The following MDGA2 variants were observed in gnomAD, a reference collection of about 807,000 sequenced individuals.
MDGA2 encodes MAM domain containing glycosylphosphatidylinositol anchor 2, also known as MAM domain-containing glycosylphosphatidylinositol anchor protein 2.
In MDGA2, 40 loss-of-function variants were observed where a neutral mutation model predicts 117.8. That is an observed-to-expected ratio of 0.34 (90% CI 0.26 to 0.44). MDGA2 has a LOEUF of 0.44. MDGA2 is among the 20% of genes least tolerant of loss of function. The probability of loss-of-function intolerance (pLI) is 1.00; values close to 1 mark genes in which losing one functional copy is unlikely to be tolerated. For missense variants in MDGA2, 1,123 were observed against 1,250.6 expected (o/e 0.90, Z 1.54); for synonymous variants, 452 against 439.0 (o/e 1.03, Z -0.37).
chr14:47,519,647 T>C (rs1319003496), intron 1 of MDGA2, among the ~76,000 whole-genome samples: 1 of 152,214 alleles, frequency 6.6e-6, no homozygotes, highest in Non-Finnish European at 1.5e-5. Context: ...AAAAATTTTA[T>C]CCCTCTTTAC....
chr14:46,993,200 C>G (rs1887158809), intron 8 of MDGA2, among the ~76,000 whole-genome samples: 1 of 152,012 alleles, frequency 6.6e-6, no homozygotes, highest in African/African-American at 2.4e-5. Context: ...AATAAAATAG[C>G]ATTGTTTATT....
chr14:47,308,235 A>C (rs1889519837), intron 1 of MDGA2, among the ~76,000 whole-genome samples: 1 of 152,118 alleles, frequency 6.6e-6, no homozygotes, highest in Admixed American at 6.6e-5. Flanking sequence ...GCAAATAGTA[A>C]AACCGCTATT....
intron 6 of MDGA2, among the ~76,000 whole-genome samples, chr14:47,095,991 G>A (rs544618889): frequency 1.7e-4 from 26 of 152,052 alleles, no homozygotes; most frequent in African/African-American, 5.3e-4. Flanking sequence ...GGTGAAGTGA[G>A]ATATGAAGAA....
chr14:47,402,330 A>ACCC (rs1386594654), intron 1 of MDGA2, among the ~76,000 whole-genome samples: 13 of 17,168 alleles, frequency 7.6e-4, no homozygotes, highest in Non-Finnish European at 1.3e-3. Flanking sequence ...AACCCCAGAA[A>ACCC]CCCCCGCCCC....
At position 47,453,159 on chromosome 14, in the gene MDGA2, T is replaced by C. The variant is rs541039792; in HGVS notation, c.281-151609A>G. ...CATGCTCTATTAATATATACATTTA[T>C]AGAAATGGAAGAAATGTCAAAAGAG... On this transcript the variant is annotated intron_variant, in intron 1 of 16. Coordinates refer to ENST00000399232, the MANE Select transcript of MDGA2 (RefSeq NM_001113498.3). Among the ~76,000 whole-genome samples the C allele has an allele frequency of 7.9e-5, 12 of 152,194 alleles. No homozygotes were observed. The East Asian group carries it at 2.3e-3, about 29-fold the overall frequency.
chr14:47,674,825 ACT>A lies in MDGA2; in HGVS notation c.-31_-30del. The A allele has an allele frequency of 1.6e-6, 1 of 632,368 alleles. No homozygotes were observed. The highest frequency in any genetic ancestry group is 2.8e-6 in the Non-Finnish European group (1 of 356,358). 39.2% of individuals were successfully genotyped at this position (632,368 alleles called of 1,614,324 possible). ...CACACACACTCACACACACTCACAC[ACT>A]CTCCCACAACACAATACCCTGACAC... On this transcript the variant is annotated 5_prime_UTR_variant, in exon 1 of 17. Transcript: ENST00000399232.
Position 46,882,294 on chromosome 14 carries a change from T to C in MDGA2, c.2239-73A>G, listed in dbSNP as rs533073030. ...AGGTACTAAGAAAATTGAAAACAAA[T>C]TTTGAAATTTTATTAAATCAAAAAG... On this transcript the variant is annotated intron_variant, in intron 10 of 16. Transcript: ENST00000399232. 266 of 1,326,272 alleles carry C rather than the reference T, an allele frequency of 2.0e-4. 1 individual carries two copies. The highest frequency in any genetic ancestry group is 5.4e-4 in the Admixed American group (22 of 40,506). The allele number at this position is 1,326,272 out of a possible 1,614,324, so 82.2% of individuals were successfully genotyped here.
intron 1 of MDGA2, among the ~76,000 whole-genome samples, chr14:47,569,610 G>A (rs1237994889): frequency 6.6e-6 from 1 of 152,232 alleles, no homozygotes; most frequent in African/African-American, 2.4e-5. Context: ...TGATGCTATG[G>A]TTCAGTCAAC....
At chr14:46,959,296 T>C (rs979910248) in intron 8 of MDGA2, among the ~76,000 whole-genome samples, 6 of 135,458 alleles carry the variant, frequency 4.4e-5, no homozygotes, top group Non-Finnish European at 7.7e-5. Flanking sequence ...TGTGTGTGTG[T>C]GTGTGTGGAT....
At chr14:46,902,979 C>A (rs1448264220) in intron 10 of MDGA2, among the ~76,000 whole-genome samples, 1 of 141,430 alleles carries the variant, frequency 7.1e-6, no homozygotes, top group African/African-American at 2.6e-5. Context: ...CTCCCACCGG[C>A]CTACACACTG....
rs903822391 is a variant in MDGA2 at position 47,617,864 on chromosome 14, C to T, written c.280+56653G>A. Among the ~76,000 whole-genome samples, 10 of 152,146 alleles carry T rather than the reference C, an allele frequency of 6.6e-5. No individual in the cohort carries two copies. In the East Asian group the frequency reaches 9.6e-4, roughly 15 times the overall value. Reference sequence around the variant, plus strand: ...GGAATGGTGGGTAAATTCATGTTCACTGTACATAAATGAGTGGATTAATAA... The same window carrying T: ...GGAATGGTGGGTAAATTCATGTTCATTGTACATAAATGAGTGGATTAATAA... On this transcript the variant is annotated intron_variant, in intron 1 of 16. Transcript: ENST00000399232.
intron 1 of MDGA2, among the ~76,000 whole-genome samples, chr14:47,352,910 C>CA (rs1479990025): frequency 6.6e-6 from 1 of 152,098 alleles, no homozygotes; most frequent in Admixed American, 6.5e-5. Context: ...TTAAATGAGA[C>CA]ACACAGCAAA....
At chr14:47,293,337 G>C (rs543235122) in intron 2 of MDGA2, among the ~76,000 whole-genome samples, 104 of 152,272 alleles carry the variant, frequency 6.8e-4, no homozygotes, top group African/African-American at 2.4e-3. Context: ...ACTAGCTCCA[G>C]GTATTCTTAC....
At chr14:47,391,748 C>T (rs571348568) in intron 1 of MDGA2, among the ~76,000 whole-genome samples, 2 of 152,238 alleles carry the variant, frequency 1.3e-5, no homozygotes, top group African/African-American at 2.4e-5. Context: ...AATGTCAACA[C>T]CAGCAAATAC....
intron 6 of MDGA2, among the ~76,000 whole-genome samples, chr14:47,084,650 A>G (rs1566614680): frequency 6.6e-6 from 1 of 152,136 alleles, no homozygotes; most frequent in Admixed American, 6.6e-5. Flanking sequence ...CAGGACGTGG[A>G]GCTTTTCAGA....
At chr14:46,986,102 C>T (rs1395584257) in intron 8 of MDGA2, among the ~76,000 whole-genome samples, 2 of 152,000 alleles carry the variant, frequency 1.3e-5, no homozygotes, top group African/African-American at 4.8e-5. Flanking sequence ...TATCAAGTTC[C>T]AAGGGAAGGT....
chr14:47,613,479 T>TCTCACACACA (rs1023859588), intron 1 of MDGA2, among the ~76,000 whole-genome samples: 3,443 of 141,064 alleles, frequency 0.024, 166 homozygotes, highest in East Asian at 0.21. Flanking sequence ...TCTCTCTCTC[T>TCTCACACACA]CACACACACA....
chr14:47,353,505 T>G (rs1216921465), intron 1 of MDGA2, among the ~76,000 whole-genome samples: 14 of 152,168 alleles, frequency 9.2e-5, no homozygotes, highest in Admixed American at 9.2e-4. Flanking sequence ...TCCTAGTTCC[T>G]CAAAATATAA....
chr14:46,861,817 G>A (rs1211347793), intron 14 of MDGA2, among the ~76,000 whole-genome samples: 41 of 151,930 alleles, frequency 2.7e-4, no homozygotes, highest in Non-Finnish European at 4.4e-5. Context: ...CTCCCAGGAA[G>A]TTTCTAGTTC....
Sources: gnomAD v4.1 joint callset for allele counts (sites outside exome capture counted in the v4.1 genomes callset) on GRCh38, gnomAD v4.1.1 for gene constraint, MANE v1.5 for transcripts, NCBI Gene and HGNC (gene_info 2026-07-23, HGNC 2026-07-21) for gene names.